CHFR: variants seen among roughly 807,000 people sequenced by gnomAD.
The protein encoded by CHFR is checkpoint with forkhead and ring finger domains, also known as E3 ubiquitin-protein ligase CHFR.
In CHFR, 57 loss-of-function variants were observed where a neutral mutation model predicts 87.6. That is an observed-to-expected ratio of 0.65 (90% CI 0.53 to 0.81). CHFR has a LOEUF of 0.81. Ranked by LOEUF, CHFR falls within the 30% of genes least tolerant of loss-of-function variation. The probability of loss-of-function intolerance (pLI) is 0.00; values close to 1 mark genes in which losing one functional copy is unlikely to be tolerated. For synonymous variants in CHFR, 381 were observed against 359.2 expected, an observed-to-expected ratio of 1.06 and a Z score of -0.69; for missense variants, 797 against 865.8, an observed-to-expected ratio of 0.92 and a Z score of 1.00.
intron 2 of CHFR, 59 bp downstream of exon 2, chr12:132,887,137 G>T (rs1951915417): frequency 7.2e-7 from 1 of 1,388,984 alleles, no homozygotes; most frequent in Non-Finnish European, 9.3e-7. Flanking sequence ...CGTGTGGCCT[G>T]CCCGCAACCC....
chr12:132,857,323 GGT>G, intron 9 of CHFR, 80 bp downstream of exon 9: 1 of 1,414,420 alleles, frequency 7.1e-7, no homozygotes, highest in Non-Finnish European at 9.7e-7. Flanking sequence ...GGTGCTGCTG[GGT>G]GGATGCCCTC....
At position 132,870,783 on chromosome 12, in the gene CHFR, T is replaced by C; in HGVS notation, c.344A>G (p.Asn115Ser). The change falls in exon 5 of 18, where the codon AAC becomes AGC. Residue 115 changes from asparagine to serine, a missense_variant and splice_region_variant. Asn to Ser is a conservative substitution (Grantham distance 46). This residue lies in a region of CHFR where 597 missense variants were observed against 601.2 expected (regional missense o/e 0.99). Coordinates refer to ENST00000450056, the MANE Select transcript of CHFR (RefSeq NM_001161346.2). The stretch of plus-strand genomic sequence containing the variant: ...TAAAGATTCATAGAGGTATGCCACG[T>C]CTAAAAGAAAATCAATCAAATCAGA... ...LVYRKNEPEH[N>S]VAYLYESLSE... is the part of the protein sequence containing the mutation. 3 of 1,603,268 alleles carry C rather than the reference T, an allele frequency of 1.9e-6. No individual in the cohort carries two copies. Among genetic ancestry groups the C allele is most frequent in the South Asian group, 1.1e-5 (1 of 90,656 alleles).
intron 3 of CHFR, among the ~76,000 whole-genome samples, chr12:132,877,264 G>C (rs1951650586): frequency 6.6e-6 from 1 of 152,110 alleles, no homozygotes; most frequent in African/African-American, 2.4e-5. Flanking sequence ...GATAGCCTAG[G>C]AGCAATCGGC....
intron 2 of CHFR, among the ~76,000 whole-genome samples, chr12:132,883,356 G>A (rs979509208): frequency 4.6e-5 from 7 of 151,234 alleles, no homozygotes; most frequent in Non-Finnish European, 8.8e-5. Flanking sequence ...AACCTGGGAG[G>A]CGGAGGTTGC....
chr12:132,870,681 A>G (rs1297291248), intron 5 of CHFR, 43 bp downstream of exon 5: 1 of 1,358,676 alleles, frequency 7.4e-7, no homozygotes, highest in East Asian at 2.3e-5. Context: ...GGAATGCTAT[A>G]GCTCCTAACA....
At chr12:132,884,189 C>T (rs992808787) in intron 2 of CHFR, among the ~76,000 whole-genome samples, 6 of 151,390 alleles carry the variant, frequency 4.0e-5, no homozygotes, top group African/African-American at 9.7e-5. Flanking sequence ...GAAGCCGAGG[C>T]GGGTGGATCA....
At chr12:132,847,022 G>A in intron 15 of CHFR, 21 bp downstream of exon 15, 1 of 1,578,352 alleles carries the variant, frequency 6.3e-7, no homozygotes, top group South Asian at 1.1e-5. Flanking sequence ...CCTTAGAGCA[G>A]GAGGCAACAG....
intron 6 of CHFR, chr12:132,867,595 T>C (rs1951373600): frequency 2.0e-5 from 3 of 152,030 alleles, no homozygotes. Flanking sequence ...ACCTCAGGAG[T>C]AGCTGAGCTG....
At chr12:132,877,512 A>G in intron 3 of CHFR, 43 bp downstream of exon 3, 1 of 1,361,798 alleles carries the variant, frequency 7.3e-7, no homozygotes, top group Non-Finnish European at 1.0e-6. Context: ...AGGCTTCTTA[A>G]GCTACAAGAA....
At chr12:132,861,947 A>T (rs899744983) in intron 6 of CHFR, 1 of 334,620 alleles carries the variant, frequency 3.0e-6, no homozygotes, top group Non-Finnish European at 5.8e-6. Context: ...ACCCGTGGTC[A>T]TATGATACAC....
chr12:132,856,843 C>T (rs1465954974), intron 9 of CHFR: 63 of 648,182 alleles, frequency 9.7e-5, no homozygotes, highest in Middle Eastern at 4.6e-4. Flanking sequence ...GTGGAGGGAC[C>T]GCCCTCACAT....
Position 132,887,313 on chromosome 12 carries a change from C to T in CHFR, c.16G>A (p.Glu6Lys). 6.8e-7 allele frequency: 1 copy of T among 1,475,316 alleles called. No homozygotes were observed. The highest frequency in any genetic ancestry group is 8.9e-7 in the Non-Finnish European group (1 of 1,119,860). The allele number at this position is 1,475,316 out of a possible 1,614,324, so 91.4% of individuals were successfully genotyped here. The part of the protein sequence containing the change: MERPE[E>K]GKQSPPPQPW... ...TGCGGCGGCGGCGACTGCTTGCCTT[C>T]CTCGGGCCGCTCCATCGGGATTCAC... is the stretch of plus-strand genomic sequence containing the variant. The change falls in exon 2 of 18, where the codon GAA becomes AAA. Residue 6 changes from glutamate (E) to lysine (K), a missense_variant. Physicochemically the swap from Glu to Lys is moderately conservative, Grantham distance 56 (BLOSUM62 1). Transcript: ENST00000450056.
intron 15 of CHFR, among the ~76,000 whole-genome samples, chr12:132,844,879 C>T (rs957521261): frequency 7.2e-5 from 11 of 152,064 alleles, no homozygotes; most frequent in Middle Eastern, 3.4e-3. Flanking sequence ...ATGATCCGCC[C>T]GCCTCGGCTT....
intron 6 of CHFR, chr12:132,867,005 G>A (rs1424327654): frequency 1.3e-5 from 2 of 152,474 alleles, no homozygotes; most frequent in African/African-American, 4.8e-5. Context: ...CTGCACTCCA[G>A]CCTGGGCAAC....
chr12:132,853,458 G>T lies in CHFR; in HGVS notation c.1345C>A (p.Pro449Thr). Reference protein sequence around the residue: ...PGAPQALGDAPSTSVSLTTAV... With the variant: ...PGAPQALGDATSTSVSLTTAV... ...GTCGTCAGGCTGACGGACGTGGAGG[G>T]TGCATCCCCCAGGGCCTGTGGGGCT... is the stretch of plus-strand genomic sequence containing the variant. The change falls in exon 11 of 18, where the codon CCC (proline) becomes ACC (threonine). Residue 449 changes from proline to threonine, a missense_variant. Pro to Thr is a conservative substitution (Grantham distance 38). Transcript: ENST00000450056. 1 of 1,539,952 alleles carries T rather than the reference G, an allele frequency of 6.5e-7. No individual in the cohort carries two copies. The highest frequency in any genetic ancestry group is 8.7e-7 in the Non-Finnish European group (1 of 1,152,316).
chr12:132,887,258 G>C lies in CHFR; in HGVS notation c.71C>G (p.Ala24Gly), dbSNP rs1951920619. Residue 24 changes from alanine (A) to glycine (G), a missense_variant, in exon 2 of 18, where the codon GCG becomes GGG. By Grantham distance (60) the Ala-to-Gly change is moderately conservative (BLOSUM62 0). Coordinates refer to ENST00000450056, the MANE Select transcript of CHFR (RefSeq NM_001161346.2). ...QPWGRLLRLG[A>G]EEGEPHVLLR... The stretch of plus-strand genomic sequence containing the variant: ...GAGGACGTGCGGCTCGCCCTCCTCC[G>C]CGCCCAGACGCAGGAGCCGTCCCCA... 3.3e-6 allele frequency: 5 copies of C among 1,501,272 alleles called. No homozygotes were observed. The highest frequency in any genetic ancestry group is 4.4e-6 in the Non-Finnish European group (5 of 1,132,358). 93.0% of individuals were successfully genotyped at this position (1,501,272 alleles called of 1,614,324 possible).
chr12:132,843,773 A>AC (rs1207480786), intron 16 of CHFR, among the ~76,000 whole-genome samples: 2 of 152,018 alleles, frequency 1.3e-5, no homozygotes, highest in East Asian at 1.9e-4. Context: ...ACATGGTGAA[A>AC]CCCCGTCTCT....
chr12:132,835,585 G>C lies in CHFR; in HGVS notation c.*5969C>G, dbSNP rs149842676. The C allele has an allele frequency of 5.7e-6, 1 of 176,664 alleles. No individual in the cohort carries two copies. The highest frequency in any genetic ancestry group is 2.4e-5 in the African/African-American group (1 of 41,502). 10.9% of individuals were successfully genotyped at this position (176,664 alleles called of 1,614,324 possible). On this transcript the variant is annotated 3_prime_UTR_variant, in exon 18 of 18. Coordinates refer to ENST00000450056, the MANE Select transcript of CHFR (RefSeq NM_001161346.2). ...CACGCATGAAGAGAAGATGACGTGAGAACTCAAGGAGATGCTGCCCACGAG... is the reference window on the plus strand; with the variant it reads ...CACGCATGAAGAGAAGATGACGTGACAACTCAAGGAGATGCTGCCCACGAG...
chr12:132,884,450 T>C (rs936044030), intron 2 of CHFR, among the ~76,000 whole-genome samples: 5 of 150,982 alleles, frequency 3.3e-5, no homozygotes, highest in Non-Finnish European at 7.4e-5. Context: ...ATAAAATAAA[T>C]AAATAAAATA....
Sources: allele counts gnomAD v4.1 joint callset (sites outside exome capture counted in the v4.1 genomes callset), GRCh38; gene constraint gnomAD v4.1.1; regional missense constraint gnomAD v4.1.1; transcripts MANE v1.5; gene names NCBI Gene and HGNC (gene_info 2026-07-23, HGNC 2026-07-21).